Variants in TBCA observed in about 807,000 individuals in gnomAD.
The protein encoded by TBCA is tubulin folding cofactor A, also known as tubulin-specific chaperone A.
A neutral mutation model predicts 15.8 loss-of-function variants in TBCA; 6 were observed. The observed-to-expected ratio is 0.38, with a 90% CI of 0.21 to 0.75. TBCA has a LOEUF of 0.75. TBCA is among the 30% of genes least tolerant of loss of function. The pLI is 0.46. For synonymous variants in TBCA, 32 were observed against 42.3 expected (o/e 0.76, Z 0.94); for missense variants, 90 against 131.2 (o/e 0.69, Z 1.53).
chr5:77,705,493 C>T (rs1233041760), intron 2 of TBCA: 2 of 397,974 alleles, frequency 5.0e-6, no homozygotes, highest in Non-Finnish European at 8.9e-6. Flanking sequence ...TAAAAAGTTA[C>T]ATTCCATATG....
chr5:77,748,484 G>T, intron 1 of TBCA, among the ~76,000 whole-genome samples: 1 of 87,098 alleles, frequency 1.1e-5, no homozygotes, highest in Non-Finnish European at 2.4e-5. Flanking sequence ...ATTTAGTTTT[G>T]CTTTTTTTTT....
At chr5:77,698,178 A>AAAAACACACTGAT (rs1322139747) in intron 2 of TBCA, among the ~76,000 whole-genome samples, 1 of 152,102 alleles carries the variant, frequency 6.6e-6, no homozygotes, top group African/African-American at 2.4e-5. Flanking sequence ...AGAAAAAAAA[A>AAAAACACACTGAT]AAAACACACT....
At chr5:77,707,503 GA>G (rs1456348210) in intron 2 of TBCA, among the ~76,000 whole-genome samples, 2 of 152,104 alleles carry the variant, frequency 1.3e-5, no homozygotes, top group Non-Finnish European at 1.5e-5. Context: ...AGGCAAAGAA[GA>G]AAGGGCATGT....
intron 1 of TBCA, among the ~76,000 whole-genome samples, chr5:77,740,384 G>T (rs1189285498): frequency 6.6e-6 from 1 of 152,140 alleles, no homozygotes. Context: ...GGGGAGAGTG[G>T]TAGTAATCCA....
In TBCA at chr5:77,693,249, C is replaced by CA; in HGVS notation, c.246+16dup. Reference sequence around the variant, plus strand: ...TGAAAAAAAAAATTTAAACATGACACAGAAGTCTTTGCTTACTAGTATCCG... The same window carrying CA: ...TGAAAAAAAAAATTTAAACATGACACAAGAAGTCTTTGCTTACTAGTATCCG... On this transcript the variant is annotated intron_variant, in intron 3 of 3. Transcript: ENST00000380377. 6.2e-7 allele frequency: 1 copy of CA among 1,613,122 alleles called. No homozygotes were observed. The highest frequency in any genetic ancestry group is 8.5e-7 in the Non-Finnish European group (1 of 1,179,690).
In TBCA at chr5:77,715,557, CCT is replaced by C. The variant is rs547083279; in HGVS notation, c.54-7212_54-7211del. Among the ~76,000 whole-genome samples, 212 of 152,150 alleles carry C rather than the reference CCT, an allele frequency of 1.4e-3. 1 individual carries two copies. The highest frequency in any genetic ancestry group is 5.0e-3 in the African/African-American group (208 of 41,512). Reference sequence around the variant, plus strand: ...TTAGAAACTCCAGGAACCTCATCCCCCTGACACACACACATGCACACCCACAA... The same window carrying C: ...TTAGAAACTCCAGGAACCTCATCCCCGACACACACACATGCACACCCACAA... On this transcript the variant is annotated intron_variant, in intron 1 of 3. Transcript: ENST00000380377.
intron 1 of TBCA, among the ~76,000 whole-genome samples, chr5:77,759,704 G>A (rs1473866874): frequency 6.6e-6 from 1 of 152,068 alleles, no homozygotes; most frequent in Non-Finnish European, 1.5e-5. Context: ...ATTTTCCATA[G>A]GAAAAATGTT....
chr5:77,706,286 G>C (rs1252601357), intron 2 of TBCA, among the ~76,000 whole-genome samples: 3 of 152,072 alleles, frequency 2.0e-5, no homozygotes. Context: ...CTGTCATCTG[G>C]AAATTATTTT....
intron 1 of TBCA, among the ~76,000 whole-genome samples, chr5:77,729,852 T>C (rs906200533): frequency 1.3e-5 from 2 of 152,234 alleles, no homozygotes; most frequent in Admixed American, 1.3e-4. Context: ...TATCAGTTAA[T>C]AGTGTAGTAA....
chr5:77,724,290 T>A (rs1215032513), intron 1 of TBCA, among the ~76,000 whole-genome samples: 1 of 152,074 alleles, frequency 6.6e-6, no homozygotes, highest in African/African-American at 2.4e-5. Context: ...CAAAGAGATA[T>A]AATAATAAAA....
intron 1 of TBCA, among the ~76,000 whole-genome samples, chr5:77,774,779 C>G (rs181716400): frequency 1.3e-5 from 2 of 152,222 alleles, no homozygotes; most frequent in Admixed American, 6.5e-5. Flanking sequence ...AACTTCTAAA[C>G]TGATTGAGAC....
intron 1 of TBCA, among the ~76,000 whole-genome samples, chr5:77,732,206 G>A (rs777866324): frequency 6.6e-6 from 1 of 152,068 alleles, no homozygotes; most frequent in Non-Finnish European, 1.5e-5. Flanking sequence ...GTGACTACAG[G>A]TTTCCAGTTT....
intron 1 of TBCA, among the ~76,000 whole-genome samples, chr5:77,725,681 T>G (rs2112461372): frequency 6.6e-6 from 1 of 152,318 alleles, no homozygotes; most frequent in South Asian, 2.1e-4. Flanking sequence ...GTAATGTGTG[T>G]TGCTTTGCTC....
intron 2 of TBCA, chr5:77,705,533 A>G (rs1024547123): frequency 2.5e-6 from 1 of 398,612 alleles, no homozygotes; most frequent in Admixed American, 4.4e-5. Flanking sequence ...GTTAGTTCAT[A>G]AAGGCGGACA....
chr5:77,739,231 C>T (rs1056237107), intron 1 of TBCA, among the ~76,000 whole-genome samples: 1 of 152,036 alleles, frequency 6.6e-6, no homozygotes, highest in Admixed American at 6.6e-5. Flanking sequence ...GAGGCTGAGG[C>T]AGGCGGATCA....
intron 1 of TBCA, among the ~76,000 whole-genome samples, chr5:77,733,042 G>A (rs1280344330): frequency 1.3e-5 from 2 of 152,234 alleles, no homozygotes; most frequent in East Asian, 3.8e-4. Context: ...AGCACTTTGG[G>A]AGGCTGAGGC....
chr5:77,748,928 CTTAAGT>C (rs1282824042), intron 1 of TBCA, among the ~76,000 whole-genome samples: 15 of 152,064 alleles, frequency 9.9e-5, no homozygotes, highest in African/African-American at 3.1e-4. Flanking sequence ...TTACCAACAC[CTTAAGT>C]TTATGTTGCC....
chr5:77,772,287 AAT>A (rs1747933543), intron 1 of TBCA, among the ~76,000 whole-genome samples: 1 of 152,142 alleles, frequency 6.6e-6, no homozygotes, highest in East Asian at 1.9e-4. Context: ...AACAATTAGT[AAT>A]ATGTTACCAT....
intron 1 of TBCA, among the ~76,000 whole-genome samples, chr5:77,717,212 A>T (rs1746417076): frequency 6.6e-6 from 1 of 152,194 alleles, no homozygotes; most frequent in African/African-American, 2.4e-5. Context: ...GGCGATAATA[A>T]ATATCCTTAT....
Sources: allele counts gnomAD v4.1 joint callset (sites outside exome capture counted in the v4.1 genomes callset), GRCh38; gene constraint gnomAD v4.1.1; transcripts MANE v1.5; gene names NCBI Gene and HGNC (gene_info 2026-07-23, HGNC 2026-07-21).